Variants in CFAP90 observed in about 807,000 individuals in gnomAD.
CFAP90 encodes cilia and flagella associated protein 90.
At chr5:7,850,659 G>A in the CFAP90 span, among the ~76,000 whole-genome samples, 1 of 25,506 alleles carries the variant, frequency 3.9e-5, no homozygotes, top group Non-Finnish European at 6.8e-5. Context: ...GGTGAGCCCC[G>A]CCCCCAGGCC....
At chr5:7,834,361 G>A in the CFAP90 span, among the ~76,000 whole-genome samples, 1 of 152,132 alleles carries the variant, frequency 6.6e-6, no homozygotes, top group Non-Finnish European at 1.5e-5. Flanking sequence ...TTTTTGTACA[G>A]CTGTACAATG....
chr5:7,835,559 G>A, the CFAP90 span: 23 of 964,526 alleles, frequency 2.4e-5, no homozygotes, highest in Admixed American at 2.0e-4. Context: ...ATTGAGGCCC[G>A]ATGGAGCACA....
the CFAP90 span, among the ~76,000 whole-genome samples, chr5:7,833,417 T>G: frequency 6.6e-6 from 1 of 152,066 alleles, no homozygotes; most frequent in African/African-American, 2.4e-5. Context: ...CATATATGCA[T>G]GCATCTATAC....
At chr5:7,835,431 C>T in the CFAP90 span, 19 of 1,607,894 alleles carry the variant, frequency 1.2e-5, no homozygotes, top group South Asian at 6.6e-5. Context: ...TCTGTCATCT[C>T]GGTGCAACTT....
chr5:7,849,059 G>T, the CFAP90 span, among the ~76,000 whole-genome samples: 5 of 152,014 alleles, frequency 3.3e-5, no homozygotes, highest in African/African-American at 1.2e-4. Flanking sequence ...ACTGGAATAG[G>T]GCTCATCCTA....
the CFAP90 span, among the ~76,000 whole-genome samples, chr5:7,845,997 G>A: frequency 0.31 from 43,613 of 140,844 alleles, 7,181 homozygotes; most frequent in Admixed American, 0.41. Flanking sequence ...TGAGGTTTGC[G>A]ACTGGGATCC....
At chr5:7,833,270 T>C in the CFAP90 span, among the ~76,000 whole-genome samples, 4 of 152,168 alleles carry the variant, frequency 2.6e-5, no homozygotes, top group African/African-American at 9.7e-5. Flanking sequence ...AATATGTATG[T>C]GTATATGCAC....
At chr5:7,848,734 C>T in the CFAP90 span, among the ~76,000 whole-genome samples, 1 of 152,160 alleles carries the variant, frequency 6.6e-6, no homozygotes, top group African/African-American at 2.4e-5. Flanking sequence ...GGGGGCAGTT[C>T]CTCCCATCCT....
chr5:7,844,695 C>T, the CFAP90 span, among the ~76,000 whole-genome samples: 1 of 152,184 alleles, frequency 6.6e-6, no homozygotes, highest in African/African-American at 2.4e-5. Flanking sequence ...GGCATGTAAG[C>T]TTATGAGTCT....
chr5:7,851,038 G>GC, the CFAP90 span: 1 of 1,239,690 alleles, frequency 8.1e-7, no homozygotes, highest in Non-Finnish European at 1.0e-6. Flanking sequence ...ACCGTCCAGC[G>GC]CCCCCGCCTT....
the CFAP90 span, among the ~76,000 whole-genome samples, chr5:7,836,675 G>A: frequency 6.6e-6 from 1 of 152,168 alleles, no homozygotes; most frequent in African/African-American, 2.4e-5. Flanking sequence ...GCAGATGATG[G>A]TCTATGACAA....
At chr5:7,844,290 C>T in the CFAP90 span, among the ~76,000 whole-genome samples, 6 of 152,094 alleles carry the variant, frequency 3.9e-5, no homozygotes, top group East Asian at 1.9e-4. Flanking sequence ...AGGAGGAGAA[C>T]GAGGACAGGG....
the CFAP90 span, among the ~76,000 whole-genome samples, chr5:7,849,989 C>T: frequency 2.6e-5 from 4 of 152,072 alleles, no homozygotes; most frequent in Non-Finnish European, 5.9e-5. Flanking sequence ...AGAAAGAGCG[C>T]CCTGCTGTCC....
At chr5:7,835,375 A>G in the CFAP90 span, 594 of 1,479,892 alleles carry the variant, frequency 4.0e-4, 4 homozygotes, top group African/African-American at 7.6e-3. Flanking sequence ...TTCTGTCTTA[A>G]TATTACCTCT....
the CFAP90 span, among the ~76,000 whole-genome samples, chr5:7,843,530 G>T: frequency 9.9e-5 from 15 of 152,232 alleles, no homozygotes; most frequent in African/African-American, 3.6e-4. Flanking sequence ...TTCTAAGAGT[G>T]TTCTGATTCA....
chr5:7,844,839 C>T, the CFAP90 span, among the ~76,000 whole-genome samples: 96 of 152,212 alleles, frequency 6.3e-4, 1 homozygote, highest in South Asian at 0.019. Context: ...CAGACAGGAC[C>T]CATAGAGGGA....
chr5:7,838,556 C>T, the CFAP90 span, among the ~76,000 whole-genome samples: 28 of 152,284 alleles, frequency 1.8e-4, no homozygotes, highest in African/African-American at 6.5e-4. Context: ...CCACCCAGAC[C>T]TTTCCTTTGA....
the CFAP90 span, chr5:7,831,744 T>C: frequency 9.0e-7 from 1 of 1,114,566 alleles, no homozygotes. Flanking sequence ...GCCAAGCTCC[T>C]AGGCGTCATG....
chr5:7,841,537 G>C, the CFAP90 span, among the ~76,000 whole-genome samples: 1 of 152,092 alleles, frequency 6.6e-6, no homozygotes, highest in Admixed American at 6.6e-5. Flanking sequence ...TATGTTCAAC[G>C]TAGTACTACT....
Sources: allele counts gnomAD v4.1 joint callset (sites outside exome capture counted in the v4.1 genomes callset), GRCh38; gene constraint gnomAD v4.1.1; transcripts MANE v1.5; gene names NCBI Gene and HGNC (gene_info 2026-07-23, HGNC 2026-07-21).